PLCH1: variants seen among roughly 807,000 people sequenced by gnomAD.
PLCH1 encodes phospholipase C eta 1, also known as 1-phosphatidylinositol 4,5-bisphosphate phosphodiesterase eta-1.
Under a neutral mutation model 126.7 loss-of-function variants are expected in PLCH1, and 60 were observed. The observed-to-expected ratio is 0.47, with a 90% CI of 0.38 to 0.59. The LOEUF (loss-of-function observed/expected upper bound fraction) is 0.59. PLCH1 is among the 20% of genes least tolerant of loss of function. The probability of loss-of-function intolerance (pLI) is 0.00; values close to 1 mark genes in which losing one functional copy is unlikely to be tolerated. For synonymous variants in PLCH1, 719 were observed against 734.9 expected, an observed-to-expected ratio of 0.98 and a Z score of 0.35; for missense variants, 1,723 against 2,040.0, an observed-to-expected ratio of 0.84 and a Z score of 2.99.
intron 12 of PLCH1, among the ~76,000 whole-genome samples, chr3:155,512,281 C>T (rs1193119430): frequency 1.3e-5 from 2 of 152,146 alleles, no homozygotes; most frequent in African/African-American, 2.4e-5. Flanking sequence ...TGAGCACCGG[C>T]ACATCTTTCA....
intron 2 of PLCH1, among the ~76,000 whole-genome samples, chr3:155,601,462 G>A (rs1733726842): frequency 6.6e-6 from 1 of 151,758 alleles, no homozygotes; most frequent in Admixed American, 6.6e-5. Flanking sequence ...TGTTATATAT[G>A]TGTATATCAC....
intron 13 of PLCH1, 35 bp downstream of exon 13, chr3:155,504,520 C>T: frequency 8.9e-7 from 1 of 1,125,510 alleles, no homozygotes; most frequent in Non-Finnish European, 1.4e-6. Context: ...TTTAAATTAA[C>T]TGAAGTATGC....
At chr3:155,699,258 A>C (rs1577338061) in intron 2 of PLCH1, among the ~76,000 whole-genome samples, 1 of 151,844 alleles carries the variant, frequency 6.6e-6, no homozygotes, top group South Asian at 2.1e-4. Flanking sequence ...TGTATTTTTA[A>C]TAGAGACAGG....
chr3:155,585,359 T>C (rs1037865286), intron 5 of PLCH1, among the ~76,000 whole-genome samples: 2 of 152,242 alleles, frequency 1.3e-5, no homozygotes, highest in Non-Finnish European at 2.9e-5. Context: ...ACATGGATTA[T>C]GCACGCAACT....
At chr3:155,489,340 G>C (rs79279864) in intron 19 of PLCH1, among the ~76,000 whole-genome samples, 1 of 152,064 alleles carries the variant, frequency 6.6e-6, no homozygotes, top group Non-Finnish European at 1.5e-5. Context: ...AGTTTTTAGA[G>C]TAGAGCAGGG....
intron 19 of PLCH1, among the ~76,000 whole-genome samples, 181 bp from the exon 20 acceptor site, chr3:155,488,987 C>A (rs1432839494): frequency 6.6e-6 from 1 of 152,140 alleles, no homozygotes; most frequent in Non-Finnish European, 1.5e-5. Flanking sequence ...TACCCCCTTG[C>A]TAGAAAATAA....
At chr3:155,492,218 A>T (rs1312700876) in intron 18 of PLCH1, among the ~76,000 whole-genome samples, 1 of 152,172 alleles carries the variant, frequency 6.6e-6, no homozygotes, top group Non-Finnish European at 1.5e-5. Flanking sequence ...GTATAATGGA[A>T]ACAATGGGCT....
chr3:155,708,909 G>A (rs1052968670), intron 1 of PLCH1, among the ~76,000 whole-genome samples: 3 of 151,980 alleles, frequency 2.0e-5, no homozygotes, highest in Non-Finnish European at 4.4e-5. Context: ...TAGTCTCATT[G>A]CCCTAAAGTC....
intron 5 of PLCH1, among the ~76,000 whole-genome samples, chr3:155,585,442 GACTTAA>G (rs964021127): frequency 6.6e-6 from 1 of 152,128 alleles, no homozygotes; most frequent in African/African-American, 2.4e-5. Flanking sequence ...TCTTTGCCCT[GACTTAA>G]ACTTAAGAGA....
At chr3:155,591,537 T>C (rs781668193) in intron 4 of PLCH1, among the ~76,000 whole-genome samples, 2 of 152,224 alleles carry the variant, frequency 1.3e-5, no homozygotes, top group African/African-American at 4.8e-5. Context: ...TTAAAGAGAT[T>C]TGTAAAACAG....
chr3:155,460,804 A>AGATAGAT (rs1165373640), intron 21 of PLCH1, among the ~76,000 whole-genome samples: 3 of 145,746 alleles, frequency 2.1e-5, no homozygotes, highest in Non-Finnish European at 3.0e-5. Flanking sequence ...ATAGATAGAT[A>AGATAGAT]GATAGATAGA....
At chr3:155,553,769 T>G (rs906165201) in intron 9 of PLCH1, among the ~76,000 whole-genome samples, 1 of 152,198 alleles carries the variant, frequency 6.6e-6, no homozygotes, top group African/African-American at 2.4e-5. Flanking sequence ...GTAACCTATG[T>G]TTCCAGATTT....
intron 1 of PLCH1, among the ~76,000 whole-genome samples, chr3:155,728,257 CA>C (rs1372687388): frequency 6.6e-6 from 1 of 152,072 alleles, no homozygotes; most frequent in Non-Finnish European, 1.5e-5. Flanking sequence ...TATTCAGAGC[CA>C]CAGATCCATG....
chr3:155,740,105 T>C (rs1198766157), intron 1 of PLCH1, among the ~76,000 whole-genome samples: 1 of 152,152 alleles, frequency 6.6e-6, no homozygotes, highest in Non-Finnish European at 1.5e-5. Flanking sequence ...TATAAAAAGA[T>C]ATTGTCAGAA....
intron 21 of PLCH1, among the ~76,000 whole-genome samples, chr3:155,455,678 A>G (rs1712419892): frequency 6.6e-6 from 1 of 152,226 alleles, no homozygotes; most frequent in East Asian, 1.9e-4. Context: ...ATGGATTATA[A>G]CTGAGTAAAA....
At chr3:155,498,529 C>A (rs565360605) in intron 14 of PLCH1, among the ~76,000 whole-genome samples, 1 of 152,084 alleles carries the variant, frequency 6.6e-6, no homozygotes, top group African/African-American at 2.4e-5. Context: ...GGGAGTAACA[C>A]CAGAGTTCAT....
Position 155,559,648 on chromosome 3 carries a change from A to G in PLCH1, c.1069+5267T>C, listed in dbSNP as rs79654199. Among the ~76,000 whole-genome samples, 1,018 of 152,314 alleles carry G rather than the reference A, an allele frequency of 6.7e-3. 22 individuals carry two copies. Among genetic ancestry groups the G allele is most frequent in the East Asian group, 0.033 (169 of 5,194 alleles). ...TTACTGATGCAAGCTGGTGAGGAAG[A>G]TATTTGGGAGCATATAAAAAATTAC... is the stretch of plus-strand genomic sequence containing the variant. On this transcript the variant is annotated intron_variant, in intron 8 of 22. Transcript: ENST00000460012.
intron 6 of PLCH1, among the ~76,000 whole-genome samples, chr3:155,571,948 T>C (rs1370077413): frequency 1.3e-5 from 2 of 152,228 alleles, no homozygotes; most frequent in Non-Finnish European, 2.9e-5. Flanking sequence ...ACACTGTGAT[T>C]GTGTTTCCTT....
At chr3:155,499,773 C>T in intron 14 of PLCH1, among the ~76,000 whole-genome samples, 1 of 152,130 alleles carries the variant, frequency 6.6e-6, no homozygotes, top group East Asian at 1.9e-4. Flanking sequence ...CAGAAGTCTC[C>T]CAGCAGGTGA....
Sources: gnomAD v4.1 joint callset for allele counts (sites outside exome capture counted in the v4.1 genomes callset) on GRCh38, gnomAD v4.1.1 for gene constraint, MANE v1.5 for transcripts, NCBI Gene and HGNC (gene_info 2026-07-23, HGNC 2026-07-21) for gene names.